CAPRIN1: variants seen among roughly 807,000 people sequenced by gnomAD.
CAPRIN1 encodes caprin-1.
CAPRIN1 carries 29 observed loss-of-function variants against 100.9 expected under a neutral mutation model. The observed-to-expected ratio is 0.29, with a 90% confidence interval of 0.21 to 0.39. The LOEUF (loss-of-function observed/expected upper bound fraction) is 0.39. Among genes scored for constraint, CAPRIN1 ranks in the 10% least tolerant of loss-of-function variants. CAPRIN1 has a pLI of 1.00. For missense variants in CAPRIN1, 795 were observed against 876.7 expected (o/e 0.91, Z 1.18); for synonymous variants, 338 against 307.5 (o/e 1.10, Z -1.04).
chr11:34,086,121 C>T lies in CAPRIN1; in HGVS notation c.1024C>T (p.His342Tyr), dbSNP rs750355558. 1.2e-6 allele frequency: 2 copies of T among 1,614,122 alleles called. No individual in the cohort carries two copies. Among genetic ancestry groups the T allele is most frequent in the Non-Finnish European group, 1.7e-6 (2 of 1,180,002 alleles). ...QAASPSVPEP[H>Y]SLTPVAQADP... The stretch of plus-strand genomic sequence containing the variant: ...TGCATCCCCTTCAGTACCAGAGCCC[C>T]ACTCTTTGACTCCAGTGGCTCAGGC... Residue 342 changes from histidine (H) to tyrosine (Y), a missense_variant, in exon 10 of 19, where the codon CAC (histidine) becomes TAC (tyrosine). His to Tyr is a moderately conservative substitution (Grantham distance 83, BLOSUM62 2). Coordinates refer to ENST00000341394, the MANE Select transcript of CAPRIN1 (RefSeq NM_005898.5).
intron 2 of CAPRIN1, among the ~76,000 whole-genome samples, chr11:34,054,938 T>A (rs1163753211): frequency 6.6e-6 from 1 of 152,170 alleles, no homozygotes; most frequent in African/African-American, 2.4e-5. Context: ...GAAAGATAAC[T>A]CCTCAGAGAA....
At chr11:34,090,484 A>G (rs372951366) in intron 13 of CAPRIN1, 45 bp from the exon 14 acceptor site, 33 of 1,591,404 alleles carry the variant, frequency 2.1e-5, no homozygotes, top group Non-Finnish European at 2.7e-5. Flanking sequence ...TTGTTTGGCT[A>G]AGTTTAGTTT....
Position 34,059,786 on chromosome 11 carries a change from G to T in CAPRIN1, c.216+7150G>T, listed in dbSNP as rs190079809. ...GCTTTTTGCACAGAACTATTTACTT[G>T]CAGTGTTTTTTTATTGAAATTGATT... On this transcript the variant is annotated intron_variant, in intron 2 of 18. Coordinates refer to ENST00000341394, the MANE Select transcript of CAPRIN1 (RefSeq NM_005898.5). Among the ~76,000 whole-genome samples, 184 of 151,752 alleles carry T rather than the reference G, an allele frequency of 1.2e-3. 1 individual carries two copies. The highest frequency in any genetic ancestry group is 4.1e-3 in the African/African-American group (171 of 41,348).
Position 34,092,009 on chromosome 11 carries a change from C to G in CAPRIN1, c.1658C>G (p.Pro553Arg). ...TATAACCAGAGCTTTTCTAGTCAGC[C>G]TCACCAAGTAGAACAAACAGAGCTT... ...ASYNQSFSSQ[P>R]HQVEQTELQQ... The change falls in exon 15 of 19, where the codon CCT becomes CGT. Residue 553 changes from proline to arginine, a missense_variant. By Grantham distance (103) the Pro-to-Arg change is moderately radical. Coordinates refer to ENST00000341394, the MANE Select transcript of CAPRIN1 (RefSeq NM_005898.5). 6.2e-7 allele frequency: 1 copy of G among 1,614,116 alleles called. No individual in the cohort carries two copies. The highest frequency in any genetic ancestry group is 8.5e-7 in the Non-Finnish European group (1 of 1,180,000).
chr11:34,070,394 C>CT (rs940736658), intron 2 of CAPRIN1, among the ~76,000 whole-genome samples: 1 of 152,096 alleles, frequency 6.6e-6, no homozygotes, highest in African/African-American at 2.4e-5. Context: ...AAAAAAAATA[C>CT]TTTTTTTCCC....
intron 14 of CAPRIN1, among the ~76,000 whole-genome samples, chr11:34,090,995 G>A (rs912210374): frequency 2.6e-5 from 4 of 152,040 alleles, no homozygotes; most frequent in Admixed American, 2.0e-4. Context: ...TCATTACCTA[G>A]ATTTAATAGT....
At chr11:34,066,323 T>TTTTA (rs896305055) in intron 2 of CAPRIN1, among the ~76,000 whole-genome samples, 24 of 151,554 alleles carry the variant, frequency 1.6e-4, no homozygotes, top group Middle Eastern at 6.9e-3. Context: ...TTTAATTTAT[T>TTTTA]TTTATTTATT....
At chr11:34,058,300 C>G (rs1450758563) in intron 2 of CAPRIN1, among the ~76,000 whole-genome samples, 1 of 151,986 alleles carries the variant, frequency 6.6e-6, no homozygotes, top group Admixed American at 6.6e-5. Flanking sequence ...CCACGCCCAG[C>G]TAATTTTTGT....
Position 34,058,142 on chromosome 11 carries a change from G to A in CAPRIN1, c.216+5506G>A, listed in dbSNP as rs115133060. On this transcript the variant is annotated intron_variant, in intron 2 of 18. Transcript: ENST00000341394. ...GGAATGGGTGATTTCCAAAATTCTCGCAGTTTTTTTTGAAACAGAATCTTG... is the reference window on the plus strand; with the variant it reads ...GGAATGGGTGATTTCCAAAATTCTCACAGTTTTTTTTGAAACAGAATCTTG... Among the ~76,000 whole-genome samples, 1,343 of 151,996 alleles carry A rather than the reference G, an allele frequency of 8.8e-3. 27 individuals carry two copies. The highest frequency in any genetic ancestry group is 0.03 in the African/African-American group (1,234 of 41,456).
intron 18 of CAPRIN1, chr11:34,099,086 A>G (rs1851415095): frequency 9.2e-6 from 13 of 1,418,212 alleles, no homozygotes; most frequent in Non-Finnish European, 1.2e-5. Flanking sequence ...GGAATACTCC[A>G]TTAGCTTTAC....
intron 15 of CAPRIN1, chr11:34,096,155 G>A (rs1268241005): frequency 5.5e-6 from 1 of 181,738 alleles, no homozygotes; most frequent in African/African-American, 2.4e-5. Context: ...GAGTTATTTT[G>A]GGTCTCTTGT....
chr11:34,066,856 G>A (rs1470443911), intron 2 of CAPRIN1, among the ~76,000 whole-genome samples: 9 of 144,274 alleles, frequency 6.2e-5, no homozygotes, highest in South Asian at 2.2e-4. Flanking sequence ...CTGGTCTCCA[G>A]CTCTTGACCT....
At chr11:34,063,784 G>A (rs575499729) in intron 2 of CAPRIN1, among the ~76,000 whole-genome samples, 1 of 152,272 alleles carries the variant, frequency 6.6e-6, no homozygotes, top group South Asian at 2.1e-4. Flanking sequence ...ACATTGTAAC[G>A]TAGTAGGCTT....
intron 2 of CAPRIN1, among the ~76,000 whole-genome samples, chr11:34,071,288 G>A (rs1021232422): frequency 6.6e-6 from 1 of 152,176 alleles, no homozygotes; most frequent in African/African-American, 2.4e-5. Flanking sequence ...CTTAGGCTGG[G>A]CGCGGTGGCT....
At chr11:34,058,513 T>C (rs2421456) in intron 2 of CAPRIN1, among the ~76,000 whole-genome samples, 15,577 of 152,292 alleles carry the variant, frequency 0.1, 867 homozygotes, top group African/African-American at 0.15. Flanking sequence ...TGTTTAATTA[T>C]GTAGAATCAA....
intron 2 of CAPRIN1, 65 bp downstream of exon 2, chr11:34,052,701 G>A (rs1850351161): frequency 6.7e-7 from 1 of 1,500,874 alleles, no homozygotes; most frequent in African/African-American, 1.4e-5. Context: ...CTCCGACCCT[G>A]GTCGCTGGAG....
Position 34,083,061 on chromosome 11 carries a change from C to T in CAPRIN1, c.966+20C>T, listed in dbSNP as rs1351731127. On this transcript the variant is annotated intron_variant, in intron 9 of 18. Coordinates refer to ENST00000341394, the MANE Select transcript of CAPRIN1 (RefSeq NM_005898.5). ...GTTGAGGTAAGAGTTCTCTGTATTG[C>T]AAAGTTGTTGTCTTTGTCTTCAGTT... 2.6e-6 allele frequency: 4 copies of T among 1,557,344 alleles called. No homozygotes were observed. Among genetic ancestry groups the T allele is most frequent in the Non-Finnish European group, 3.5e-6 (4 of 1,128,746 alleles).
At chr11:34,063,071 A>G (rs977391811) in intron 2 of CAPRIN1, 1 of 152,224 alleles carries the variant, frequency 6.6e-6, no homozygotes, top group African/African-American at 2.4e-5. Flanking sequence ...CCAGGAGGAC[A>G]TCTATCATGG....
At position 34,086,397 on chromosome 11, in the gene CAPRIN1, G is replaced by C; in HGVS notation, c.1215G>C (p.Gln405His). 1 of 1,611,684 alleles carries C rather than the reference G, an allele frequency of 6.2e-7. No individual in the cohort carries two copies. Among genetic ancestry groups the C allele is most frequent in the South Asian group, 1.1e-5 (1 of 90,858 alleles). The change falls in exon 11 of 19, where the codon CAG becomes CAC. Residue 405 changes from glutamine to histidine, a missense_variant. By Grantham distance (24) the Gln-to-His change is conservative (BLOSUM62 0). Coordinates refer to ENST00000341394, the MANE Select transcript of CAPRIN1 (RefSeq NM_005898.5). ...MNPTQNMDMP[Q>H]LVCPPVHSES... ...CAACACAAAACATGGACATGCCCCA[G>C]CTGGTTTGCCCTCCAGGTTAGTAGT...
Sources: gnomAD v4.1 joint callset for allele counts (sites outside exome capture counted in the v4.1 genomes callset) on GRCh38, gnomAD v4.1.1 for gene constraint, MANE v1.5 for transcripts, NCBI Gene and HGNC (gene_info 2026-07-23, HGNC 2026-07-21) for gene names.